The following SCTR variants were observed in gnomAD, a reference collection of about 807,000 sequenced individuals.
The protein encoded by SCTR is pancreatic secretin receptor.
A neutral mutation model predicts 60.8 loss-of-function variants in SCTR; 56 were observed. The ratio of observed to expected loss-of-function variants is 0.92; its 90% CI spans 0.74 to 1.15. The LOEUF (loss-of-function observed/expected upper bound fraction) is 1.15. Ranked by LOEUF, SCTR falls within the 50% of genes most tolerant of loss-of-function variation. The pLI is 0.00. For missense variants in SCTR, 562 were observed against 550.4 expected (o/e 1.02, Z -0.21); for synonymous variants, 202 against 217.0 (o/e 0.93, Z 0.61).
intron 11 of SCTR, among the ~76,000 whole-genome samples, chr2:119,441,930 C>T (rs1166781912): frequency 6.6e-6 from 1 of 152,190 alleles, no homozygotes; most frequent in Non-Finnish European, 1.5e-5. Context: ...ACCTGAAGTC[C>T]GCCCACTCTG....
At chr2:119,440,403 G>C (rs1345856541) in intron 12 of SCTR, 146 bp from the exon 13 acceptor site, 1 of 883,746 alleles carries the variant, frequency 1.1e-6, no homozygotes, top group African/African-American at 1.7e-5. Flanking sequence ...CAGATTGACT[G>C]TTTCCAGCCC....
intron 6 of SCTR, among the ~76,000 whole-genome samples, chr2:119,462,719 G>T (rs530501796): frequency 2.0e-5 from 3 of 152,174 alleles, no homozygotes; most frequent in African/African-American, 7.2e-5. Context: ...GTCCCCTGGG[G>T]ATGGGACAGC....
chr2:119,446,650 G>T, intron 11 of SCTR, 109 bp downstream of exon 11: 1 of 1,101,652 alleles, frequency 9.1e-7, no homozygotes, highest in Admixed American at 3.1e-5. Context: ...CTTCCCCTGG[G>T]TCTCTGCCAG....
At chr2:119,467,361 A>C (rs1431103888) in intron 4 of SCTR, among the ~76,000 whole-genome samples, 1 of 151,618 alleles carries the variant, frequency 6.6e-6, no homozygotes, top group African/African-American at 2.4e-5. Flanking sequence ...CCTGGGCTGG[A>C]GACCCTGTCT....
intron 1 of SCTR, among the ~76,000 whole-genome samples, chr2:119,506,289 T>C (rs1251120837): frequency 1.3e-5 from 2 of 152,220 alleles, no homozygotes; most frequent in Non-Finnish European, 2.9e-5. Flanking sequence ...TTCAATAAAC[T>C]GTGGTACATT....
In SCTR at chr2:119,504,967, A is replaced by T. The variant is rs894432892; in HGVS notation, c.73-10419T>A. Among the ~76,000 whole-genome samples the T allele has an allele frequency of 2.6e-5, 4 of 152,218 alleles. No homozygotes were observed. In the South Asian group the frequency reaches 6.2e-4, roughly 24 times the overall value. ...AGATGGCACAGAGAAATGCAAATCA[A>T]AACCACAATGAGATACCATCTCACA... On this transcript the variant is annotated intron_variant, in intron 1 of 12. Transcript: ENST00000019103.
At chr2:119,495,426 C>T (rs1417277184) in intron 1 of SCTR, 1 of 152,332 alleles carries the variant, frequency 6.6e-6, no homozygotes, top group Non-Finnish European at 1.5e-5. Flanking sequence ...TCCAGTGGCA[C>T]ACAGCTCACG....
At chr2:119,480,305 G>A (rs1192580594) in intron 2 of SCTR, among the ~76,000 whole-genome samples, 2 of 152,204 alleles carry the variant, frequency 1.3e-5, no homozygotes, top group South Asian at 2.1e-4. Flanking sequence ...GGTGGAAGAC[G>A]AAGAAAGAGC....
At chr2:119,487,145 G>A (rs1450064159) in intron 2 of SCTR, 4 of 152,236 alleles carry the variant, frequency 2.6e-5, no homozygotes. Flanking sequence ...GCCAGCGGCT[G>A]CAGACAGGGA....
chr2:119,462,734 G>A (rs567140277), intron 6 of SCTR, among the ~76,000 whole-genome samples: 79 of 152,204 alleles, frequency 5.2e-4, no homozygotes, highest in Admixed American at 2.5e-3. Context: ...GACAGCTCCC[G>A]GGATAGCCGT....
intron 1 of SCTR, among the ~76,000 whole-genome samples, chr2:119,506,791 A>G (rs1678754143): frequency 6.6e-6 from 1 of 152,184 alleles, no homozygotes; most frequent in African/African-American, 2.4e-5. Flanking sequence ...AATGCTCTTG[A>G]AATGACAAAA....
rs200446430 is a variant in SCTR at position 119,478,842 on chromosome 2, C to T, written c.270G>A (p.Pro90=). ...VPGRMVEVEC[P]RFLRMLTSRN... ...TGCTGGTGAGCATCCGGAGGAATCTCGGGCATTCCACCTCCACCATCCGGC... is the reference window on the plus strand; with the variant it reads ...TGCTGGTGAGCATCCGGAGGAATCTTGGGCATTCCACCTCCACCATCCGGC... Residue 90 remains proline, a synonymous_variant, in exon 3 of 13, where the codon CCG becomes CCA. Coordinates refer to ENST00000019103, the MANE Select transcript of SCTR (RefSeq NM_002980.3). 6.8e-5 allele frequency: 110 copies of T among 1,614,156 alleles called. No homozygotes were observed. Among genetic ancestry groups the T allele is most frequent in the Non-Finnish European group, 8.7e-5 (103 of 1,180,018 alleles).
chr2:119,447,919 C>A lies in SCTR; in HGVS notation c.1013+770G>T, dbSNP rs1287489556. Among the ~76,000 whole-genome samples, 3 of 152,206 alleles carry A rather than the reference C, an allele frequency of 2.0e-5. No homozygotes were observed. The East Asian group carries it at 5.8e-4, about 29-fold the overall frequency. ...TTATGGGCTGAATTATGTCCACACC[C>A]ACTGCCAAATTTTTACACTGAAGTC... On this transcript the variant is annotated intron_variant, in intron 10 of 12. Coordinates refer to ENST00000019103, the MANE Select transcript of SCTR (RefSeq NM_002980.3).
chr2:119,466,290 A>G (rs78580129), intron 4 of SCTR, among the ~76,000 whole-genome samples: 19,836 of 152,164 alleles, frequency 0.13, 1,644 homozygotes, highest in East Asian at 0.3. Flanking sequence ...TACTTGCACC[A>G]CCTATTGGTC....
chr2:119,450,148 GGAAGC>G (rs1683106213), intron 9 of SCTR, among the ~76,000 whole-genome samples: 1 of 139,306 alleles, frequency 7.2e-6, no homozygotes, highest in African/African-American at 2.7e-5. Flanking sequence ...AAGGAAGCAA[GGAAGC>G]AAGCAAGCAA....
chr2:119,450,056 AAG>A (rs1327363735), intron 9 of SCTR, among the ~76,000 whole-genome samples: 11 of 137,760 alleles, frequency 8.0e-5, no homozygotes, highest in African/African-American at 3.6e-4. Context: ...AGAAAAAAGA[AAG>A]AAAAAGAAAG....
chr2:119,446,443 A>C (rs1682929565), intron 11 of SCTR, among the ~76,000 whole-genome samples: 2 of 152,162 alleles, frequency 1.3e-5, no homozygotes, highest in South Asian at 2.1e-4. Flanking sequence ...TGACTTGGCC[A>C]TCCGCGCTTA....
At chr2:119,470,435 G>A (rs1676957972) in intron 4 of SCTR, among the ~76,000 whole-genome samples, 1 of 152,108 alleles carries the variant, frequency 6.6e-6, no homozygotes, top group Admixed American at 6.6e-5. Flanking sequence ...GGTGAATCAC[G>A]TGGTCAGGAA....
chr2:119,454,692 A>T (rs1332156385), intron 7 of SCTR, among the ~76,000 whole-genome samples: 1 of 151,970 alleles, frequency 6.6e-6, no homozygotes, highest in Admixed American at 6.6e-5. Flanking sequence ...TGTCTCTATT[A>T]AAAAAACAAA....
Sources: gnomAD v4.1 joint callset for allele counts (sites outside exome capture counted in the v4.1 genomes callset) on GRCh38, gnomAD v4.1.1 for gene constraint, MANE v1.5 for transcripts, NCBI Gene and HGNC (gene_info 2026-07-23, HGNC 2026-07-21) for gene names.